The following MEGF6 variants were observed in gnomAD, a reference collection of about 807,000 sequenced individuals.
MEGF6 encodes the protein multiple EGF like domains 6.
Under a neutral mutation model 207.1 loss-of-function variants are expected in MEGF6, and 184 were observed. The ratio of observed to expected loss-of-function variants is 0.89; its 90% confidence interval spans 0.79 to 1.00. MEGF6 has a LOEUF of 1.00. Ranked by LOEUF, MEGF6 falls within the 50% of genes least tolerant of loss-of-function variation. The probability of loss-of-function intolerance (pLI) is 0.00; values close to 1 mark genes in which losing one functional copy is unlikely to be tolerated. For synonymous variants in MEGF6, 1,038 were observed against 910.0 expected (o/e 1.14, Z -2.53); for missense variants, 2,282 against 2,202.9 (o/e 1.04, Z -0.72).
intron 28 of MEGF6, 52 bp downstream of exon 28, chr1:3,496,936 A>G: frequency 6.5e-7 from 1 of 1,535,846 alleles, no homozygotes; most frequent in Non-Finnish European, 8.8e-7. Context: ...ACTGGGGCCC[A>G]GCACGCCAGG....
intron 4 of MEGF6, among the ~76,000 whole-genome samples, chr1:3,552,805 C>T (rs1380978771): frequency 6.6e-6 from 1 of 152,080 alleles, no homozygotes; most frequent in Admixed American, 6.5e-5. Flanking sequence ...CGGGCCCAGA[C>T]CCCCCACTTT....
intron 4 of MEGF6, among the ~76,000 whole-genome samples, chr1:3,574,668 G>C (rs1643593674): frequency 6.6e-6 from 1 of 152,152 alleles, no homozygotes; most frequent in Non-Finnish European, 1.5e-5. Flanking sequence ...ATTGAGACAG[G>C]GTCTTGCTCT....
chr1:3,533,183 G>A (rs1030351869), intron 4 of MEGF6, among the ~76,000 whole-genome samples: 1 of 152,330 alleles, frequency 6.6e-6, no homozygotes, highest in African/African-American at 2.4e-5. Context: ...ATCCTTGAGC[G>A]CGTGGGAAAG....
At chr1:3,491,064 T>C (rs1569912062) in intron 35 of MEGF6, 105 bp from the exon 36 acceptor site, 2 of 871,492 alleles carry the variant, frequency 2.3e-6, no homozygotes, top group Non-Finnish European at 3.1e-6. Flanking sequence ...GACCTCCACT[T>C]CCCCCGCACA....
rs540104693 is a variant in MEGF6 at position 3,489,883 on chromosome 1, A to G, written c.*645T>C. The G allele has an allele frequency of 3.3e-5, 5 of 152,456 alleles. No individual in the cohort carries two copies. The highest frequency in any genetic ancestry group is 1.2e-4 in the African/African-American group (5 of 41,578). 9.4% of individuals were successfully genotyped at this position (152,456 alleles called of 1,614,324 possible). A position where few individuals can be genotyped will look rare whatever the true frequency, so the allele number is the denominator to read the frequency against. On this transcript the variant is annotated 3_prime_UTR_variant, in exon 37 of 37. Transcript: ENST00000356575. ...CCGGGCCCCAGGGAGGAGCCCACAC[A>G]GAGTCCACGTAACACAGCAAACACA...
At chr1:3,568,884 T>C (rs1297987627) in intron 4 of MEGF6, among the ~76,000 whole-genome samples, 1 of 152,162 alleles carries the variant, frequency 6.6e-6, no homozygotes, top group Non-Finnish European at 1.5e-5. Context: ...GGTGCAGGTC[T>C]GCACCCCAGC....
intron 4 of MEGF6, among the ~76,000 whole-genome samples, chr1:3,536,090 G>A (rs1330467486): frequency 2.6e-5 from 4 of 152,118 alleles, no homozygotes; most frequent in South Asian, 2.1e-4. Flanking sequence ...TTCCCTGAAC[G>A]AGCCTTCCCT....
At chr1:3,599,022 G>A (rs532821441) in intron 2 of MEGF6, among the ~76,000 whole-genome samples, 4 of 152,302 alleles carry the variant, frequency 2.6e-5, no homozygotes, top group East Asian at 1.9e-4. Context: ...GGGCCGGGCC[G>A]GGCTGGAGCA....
Position 3,494,014 on chromosome 1 carries a change from C to T in MEGF6, c.4240G>A (p.Gly1414Ser), listed in dbSNP as rs772343967. The change falls in exon 33 of 37, where the codon GGC becomes AGC. Residue 1414 changes from glycine (G) to serine (S), a missense_variant. Coordinates refer to ENST00000356575, the MANE Select transcript of MEGF6 (RefSeq NM_001409.4). Reference protein sequence around the residue: ...GRCLCPAGFHGHFCERGCEPG... With the variant: ...GRCLCPAGFHSHFCERGCEPG... Reference sequence around the variant, plus strand: ...CACTCACCCCTCTCACAGAAGTGGCCGTGGAAGCCGGCAGGGCAGAGGCAT... The same window carrying T: ...CACTCACCCCTCTCACAGAAGTGGCTGTGGAAGCCGGCAGGGCAGAGGCAT... 141 of 1,604,412 alleles carry T rather than the reference C, an allele frequency of 8.8e-5. No homozygotes were observed. Among genetic ancestry groups the T allele is most frequent in the Non-Finnish European group, 9.7e-5 (114 of 1,176,542 alleles).
rs111454481 is a variant in MEGF6 at position 3,564,023 on chromosome 1, G to A, written c.481+15802C>T. ...GTAAGGGATAATTGGAAGGACAGCC[G>A]AGAAAGGAATGAGGCCAGTAGACCC... On this transcript the variant is annotated intron_variant, in intron 4 of 36. Transcript: ENST00000356575. 8.4e-3 allele frequency among the ~76,000 whole-genome samples: 1,278 copies of A among 152,316 alleles called. 20 individuals are homozygous for A. Among genetic ancestry groups the A allele is most frequent in the African/African-American group, 0.028 (1,178 of 41,550 alleles).
At chr1:3,497,419 C>T in intron 26 of MEGF6, 58 bp from the exon 27 acceptor site, 1 of 1,464,104 alleles carries the variant, frequency 6.8e-7, no homozygotes, top group Non-Finnish European at 9.0e-7. Flanking sequence ...GATCTGTGGG[C>T]CAGGACAGGC....
In MEGF6 at chr1:3,498,475, G is replaced by T; in HGVS notation, c.3248C>A (p.Ala1083Asp). Residue 1083 changes from alanine (A) to aspartate (D), a missense_variant, in exon 26 of 37, where the codon GCT becomes GAT. Coordinates refer to ENST00000356575, the MANE Select transcript of MEGF6 (RefSeq NM_001409.4). Reference protein sequence around the residue: ...EKECLPRDVRAGCRHSGGCLN... With the variant: ...EKECLPRDVRDGCRHSGGCLN... ...GCAACCGCCGCTGTGCCGGCAGCCA[G>T]CTCTGACGTCCCGGGGGAGGCACTC... 1 of 1,582,270 alleles carries T rather than the reference G, an allele frequency of 6.3e-7. No individual in the cohort carries two copies. The highest frequency in any genetic ancestry group is 1.1e-5 in the South Asian group (1 of 87,858).
intron 4 of MEGF6, among the ~76,000 whole-genome samples, chr1:3,538,696 C>CTGTGCGTGTGTG (rs1553198675): frequency 7.6e-6 from 1 of 132,030 alleles, no homozygotes; most frequent in African/African-American, 3.0e-5. Flanking sequence ...GAGCATGTGC[C>CTGTGCGTGTGTG]TGTGTGTGTG....
chr1:3,580,798 C>CT (rs1403650754), intron 3 of MEGF6, among the ~76,000 whole-genome samples: 1 of 152,140 alleles, frequency 6.6e-6, no homozygotes, highest in Non-Finnish European at 1.5e-5. Flanking sequence ...CTGAGGGGTG[C>CT]TTGCTGGGTG....
rs755821015 is a variant in MEGF6, at chr1:3,511,631, C to T, written c.1033G>A (p.Gly345Ser). The T allele has an allele frequency of 2.5e-6, 4 of 1,611,988 alleles. No individual in the cohort carries two copies. The Admixed American group carries it at 6.7e-5, about 27-fold the overall frequency. Residue 345 changes from glycine to serine, a missense_variant, in exon 9 of 37, where the codon GGC (glycine) becomes AGC (serine). Physicochemically the swap from Gly to Ser is moderately conservative, Grantham distance 56 (BLOSUM62 0). Coordinates refer to ENST00000356575, the MANE Select transcript of MEGF6 (RefSeq NM_001409.4). ...CEANNGGCSHGCSHTSAGPLC... is the reference protein window; with the variant it reads ...CEANNGGCSHSCSHTSAGPLC... ...GGCCCAGCACTGGTGTGGCTGCAGCCATGGGAGCAGCCGCCGTTGTTGGCC... is the reference window on the plus strand; with the variant it reads ...GGCCCAGCACTGGTGTGGCTGCAGCTATGGGAGCAGCCGCCGTTGTTGGCC...
chr1:3,614,818 G>A (rs1570266825), upstream of MEGF6, among the ~76,000 whole-genome samples: 1 of 152,324 alleles, frequency 6.6e-6, no homozygotes, highest in East Asian at 1.9e-4. Context: ...TTAGCCAGTG[G>A]TTCAGGCACC....
intron 4 of MEGF6, among the ~76,000 whole-genome samples, chr1:3,534,832 C>A (rs1053748584): frequency 6.6e-6 from 1 of 152,140 alleles, no homozygotes; most frequent in East Asian, 1.9e-4. Context: ...ACCTCCATAC[C>A]CCCACCTCAG....
At chr1:3,493,227 G>A (rs1305976309) in intron 34 of MEGF6, 1 of 216,066 alleles carries the variant, frequency 4.6e-6, no homozygotes, top group African/African-American at 2.3e-5. Context: ...CCTCAGGTGG[G>A]TCCCTCCTAT....
intron 4 of MEGF6, among the ~76,000 whole-genome samples, chr1:3,540,276 G>A (rs1034282747): frequency 2.0e-5 from 3 of 152,226 alleles, no homozygotes; most frequent in African/African-American, 4.8e-5. Context: ...CGCCTCGGAC[G>A]GAGCAGGCCT....
Sources: gnomAD v4.1 joint callset for allele counts (sites outside exome capture counted in the v4.1 genomes callset) on GRCh38, gnomAD v4.1.1 for gene constraint, MANE v1.5 for transcripts, NCBI Gene and HGNC (gene_info 2026-07-23, HGNC 2026-07-21) for gene names.